The following FHIT variants were observed in gnomAD, a reference collection of about 807,000 sequenced individuals.
FHIT encodes fragile histidine triad diadenosine triphosphatase.
FHIT carries 19 observed loss-of-function variants against 17.9 expected under a neutral mutation model. The ratio of observed to expected loss-of-function variants is 1.06; its 90% CI spans 0.74 to 1.56. The LOEUF is 1.56. Among genes scored for constraint, FHIT ranks in the 40% most tolerant of loss-of-function variants. The pLI is 0.00. For missense variants in FHIT, 248 were observed against 189.2 expected, an observed-to-expected ratio of 1.31 and a Z score of -1.82; for synonymous variants, 81 against 69.7, an observed-to-expected ratio of 1.16 and a Z score of -0.81.
chr3:61,234,190 C>T (rs1348312109), intron 1 of FHIT, among the ~76,000 whole-genome samples: 1 of 152,040 alleles, frequency 6.6e-6, no homozygotes, highest in African/African-American at 2.4e-5. Context: ...AGTGAGGATT[C>T]GAGATCCATA....
intron 5 of FHIT, among the ~76,000 whole-genome samples, chr3:60,076,373 C>T (rs1004356867): frequency 2.0e-5 from 3 of 151,978 alleles, no homozygotes; most frequent in African/African-American, 7.2e-5. Context: ...CTCAGAAAAG[C>T]CTATTTCTCT....
At chr3:61,038,802 C>G (rs189213072) in intron 3 of FHIT, among the ~76,000 whole-genome samples, 12 of 152,210 alleles carry the variant, frequency 7.9e-5, no homozygotes, top group Admixed American at 2.0e-4. Flanking sequence ...AGGTATACAA[C>G]CTGCTTGATA....
chr3:60,186,667 C>T (rs1004058828), intron 5 of FHIT, among the ~76,000 whole-genome samples: 6 of 152,136 alleles, frequency 3.9e-5, no homozygotes, highest in East Asian at 3.9e-4. Context: ...TGAGTATAGA[C>T]GGGCCTCATT....
chr3:60,797,935 TC>T lies in FHIT; in HGVS notation c.-18+23983del, dbSNP rs560886474. Among the ~76,000 whole-genome samples the T allele has an allele frequency of 6.1e-3, 932 of 152,258 alleles. 3 individuals carry two copies. Among genetic ancestry groups the T allele is most frequent in the African/African-American group, 0.022 (898 of 41,562 alleles). Reference sequence around the variant, plus strand: ...ACATTAAAAATTAATTTTAATTTTTTCAATGTATAATTAATTTATATGCTTG... The same window carrying T: ...ACATTAAAAATTAATTTTAATTTTTTAATGTATAATTAATTTATATGCTTG... On this transcript the variant is annotated intron_variant, in intron 4 of 9. Coordinates refer to ENST00000492590, the MANE Select transcript of FHIT (RefSeq NM_002012.4).
intron 5 of FHIT, among the ~76,000 whole-genome samples, chr3:60,302,385 T>G (rs1021879610): frequency 2.6e-5 from 4 of 152,098 alleles, no homozygotes; most frequent in Admixed American, 6.6e-5. Context: ...ACTCCAACCC[T>G]GCATAATTTC....
rs779035748 is a variant in FHIT at position 59,869,091 on chromosome 3, T to C, written c.348+53255A>G. On this transcript the variant is annotated intron_variant, in intron 8 of 9. Transcript: ENST00000492590. ...GTTATTTAGTGAAAATGAAGCACTA[T>C]TATCAGAAAGAGTTGGAAGTTATAC... Among the ~76,000 whole-genome samples the C allele has an allele frequency of 5.6e-4, 85 of 152,268 alleles. 1 individual carries two copies. Among genetic ancestry groups the C allele is most frequent in the Non-Finnish European group, 3.8e-4 (26 of 68,028 alleles).
At chr3:61,215,375 A>G (rs1243281011) in intron 1 of FHIT, among the ~76,000 whole-genome samples, 1 of 152,168 alleles carries the variant, frequency 6.6e-6, no homozygotes, top group Admixed American at 6.5e-5. Flanking sequence ...TAACAGACAA[A>G]CAGAAAGCCT....
chr3:61,128,698 G>C (rs1214732331), intron 2 of FHIT, among the ~76,000 whole-genome samples: 3 of 151,902 alleles, frequency 2.0e-5, no homozygotes, highest in South Asian at 4.1e-4. Flanking sequence ...TTAAACTAAA[G>C]CTTTAAGATT....
chr3:59,980,986 C>T (rs1425137802), intron 7 of FHIT, among the ~76,000 whole-genome samples: 1 of 152,038 alleles, frequency 6.6e-6, no homozygotes, highest in Non-Finnish European at 1.5e-5. Context: ...TCTTGACAAC[C>T]TTTGTAGTTA....
At chr3:59,911,974 A>G (rs1293914485) in intron 8 of FHIT, among the ~76,000 whole-genome samples, 2 of 152,214 alleles carry the variant, frequency 1.3e-5, no homozygotes, top group Non-Finnish European at 2.9e-5. Flanking sequence ...GGCAGCAGAG[A>G]GAAAAGAACC....
rs1703778656 is a variant in FHIT, at chr3:60,860,995, ATATATCCATATATATGATACATATATACG to A, written c.-110-39013_-110-38985del. On this transcript the variant is annotated intron_variant, in intron 3 of 9. Transcript: ENST00000492590. ...ATGTATATATGATACATATATACGT[ATATATCCATATATATGATACATATATACG>A]TATATCATGTATATATGACGTACGT... 5.9e-5 allele frequency among the ~76,000 whole-genome samples: 6 copies of A among 101,850 alleles called. 1 individual carries two copies. The East Asian group carries it at 9.4e-4, about 16-fold the overall frequency. The allele number at this position is 101,850 out of a possible 152,430, so 66.8% of individuals were successfully genotyped here. A position where few individuals can be genotyped will look rare whatever the true frequency, so the allele number is the denominator to read the frequency against.
intron 5 of FHIT, among the ~76,000 whole-genome samples, chr3:60,169,055 G>C (rs1435158868): frequency 2.0e-5 from 3 of 152,194 alleles, no homozygotes; most frequent in African/African-American, 7.2e-5. Flanking sequence ...GGATGACCTA[G>C]ATTGTCAAAG....
intron 3 of FHIT, among the ~76,000 whole-genome samples, chr3:60,951,051 G>A (rs1405851499): frequency 2.0e-5 from 3 of 152,198 alleles, no homozygotes; most frequent in Admixed American, 6.5e-5. Context: ...ACTATTGGTT[G>A]GATTTTCTTT....
chr3:60,558,529 T>A (rs965432238), intron 4 of FHIT, among the ~76,000 whole-genome samples: 4 of 152,012 alleles, frequency 2.6e-5, no homozygotes, highest in Non-Finnish European at 5.9e-5. Flanking sequence ...TTTGGAGTTC[T>A]AGGATGGCAT....
chr3:59,997,017 C>G (rs778440110), intron 7 of FHIT, among the ~76,000 whole-genome samples: 1 of 152,164 alleles, frequency 6.6e-6, no homozygotes, highest in African/African-American at 2.4e-5. Context: ...AGACCTGAGG[C>G]TCTATACTTG....
intron 7 of FHIT, among the ~76,000 whole-genome samples, chr3:60,008,974 C>A (rs1029425157): frequency 6.6e-6 from 1 of 152,144 alleles, no homozygotes; most frequent in Non-Finnish European, 1.5e-5. Flanking sequence ...GCCCCAGTCA[C>A]AGTATTCTAA....
chr3:60,241,878 C>G (rs1186884451), intron 5 of FHIT, among the ~76,000 whole-genome samples: 3 of 152,098 alleles, frequency 2.0e-5, no homozygotes, highest in Non-Finnish European at 4.4e-5. Context: ...TGATCATCAT[C>G]ACCTCTAGTA....
intron 3 of FHIT, among the ~76,000 whole-genome samples, chr3:61,001,469 T>C (rs191355233): frequency 3.0e-4 from 46 of 152,324 alleles, no homozygotes; most frequent in African/African-American, 1.0e-3. Flanking sequence ...GGAATATTTC[T>C]TAGCAATACA....
chr3:60,439,123 T>C (rs935202004), intron 5 of FHIT, among the ~76,000 whole-genome samples: 3 of 152,210 alleles, frequency 2.0e-5, no homozygotes, highest in Admixed American at 6.6e-5. Context: ...AACTGTGCCT[T>C]AGACTGCTTT....
Sources: gnomAD v4.1 joint callset for allele counts (sites outside exome capture counted in the v4.1 genomes callset) on GRCh38, gnomAD v4.1.1 for gene constraint, MANE v1.5 for transcripts, NCBI Gene and HGNC (gene_info 2026-07-23, HGNC 2026-07-21) for gene names.